The following SORCS1 variants were observed in gnomAD, a reference collection of about 807,000 sequenced individuals.
SORCS1 encodes VPS10 domain-containing receptor SorCS1.
Under a neutral mutation model 146.1 loss-of-function variants are expected in SORCS1, and 60 were observed. That is an observed-to-expected ratio of 0.41 (90% CI 0.33 to 0.51). The LOEUF is 0.51. Among genes scored for constraint, SORCS1 ranks in the 20% least tolerant of loss-of-function variants. SORCS1 has a pLI of 0.21. For missense variants in SORCS1, 1,352 were observed against 1,487.6 expected, an observed-to-expected ratio of 0.91 and a Z score of 1.50; for synonymous variants, 637 against 584.0, an observed-to-expected ratio of 1.09 and a Z score of -1.31.
At chr10:106,881,757 A>G (rs1406915635) in intron 2 of SORCS1, among the ~76,000 whole-genome samples, 1 of 152,236 alleles carries the variant, frequency 6.6e-6, no homozygotes, top group Non-Finnish European at 1.5e-5. Context: ...CCATTTTTAG[A>G]ATAGATTTCT....
intron 1 of SORCS1, among the ~76,000 whole-genome samples, chr10:107,098,669 T>C (rs778207272): frequency 2.0e-4 from 30 of 152,244 alleles, no homozygotes; most frequent in Non-Finnish European, 4.1e-4. Flanking sequence ...CTAACAATTT[T>C]GGAATGACTT....
At chr10:107,093,776 A>G (rs1590120567) in intron 1 of SORCS1, among the ~76,000 whole-genome samples, 3 of 151,984 alleles carry the variant, frequency 2.0e-5, no homozygotes, top group East Asian at 1.9e-4. Flanking sequence ...GAAGCCTTAC[A>G]CAATCTGCCT....
At chr10:107,172,775 T>C in the SORCS1 span, among the ~76,000 whole-genome samples, 33 of 152,142 alleles carry the variant, frequency 2.2e-4, no homozygotes, top group African/African-American at 6.3e-4. Context: ...TAAAGCTAAA[T>C]TTACACCTAA....
intron 1 of SORCS1, among the ~76,000 whole-genome samples, chr10:106,980,964 G>C (rs1179795402): frequency 1.3e-5 from 2 of 150,454 alleles, no homozygotes; most frequent in Non-Finnish European, 3.0e-5. Context: ...CTTGAACTTT[G>C]AACTGAAGGT....
intron 2 of SORCS1, among the ~76,000 whole-genome samples, chr10:106,906,009 C>G (rs904774104): frequency 2.0e-5 from 3 of 152,236 alleles, no homozygotes; most frequent in African/African-American, 7.2e-5. Context: ...CATCAACACT[C>G]TTTCATCCTT....
chr10:106,687,261 G>A (rs11193012), intron 10 of SORCS1, among the ~76,000 whole-genome samples: 12,248 of 152,148 alleles, frequency 0.081, 832 homozygotes, highest in African/African-American at 0.19. Flanking sequence ...CAAGTAGACT[G>A]CAAACTCCTT....
At position 106,802,908 on chromosome 10, in the gene SORCS1, G is replaced by T. The variant is rs1211235441; in HGVS notation, c.727-26216C>A. On this transcript the variant is annotated intron_variant, in intron 3 of 25. Coordinates refer to ENST00000263054, the MANE Select transcript of SORCS1 (RefSeq NM_052918.5). ...CCTTGGCCTCCCAAAAGGGATTACA[G>T]GTGTGAGCCATCATGCCCGGCCTGA... is the stretch of plus-strand genomic sequence containing the variant. 6.6e-5 allele frequency among the ~76,000 whole-genome samples: 10 copies of T among 152,312 alleles called. No individual in the cohort carries two copies. The South Asian group carries it at 1.9e-3, about 28-fold the overall frequency.
At chr10:106,621,603 G>C (rs1431083972) in intron 19 of SORCS1, among the ~76,000 whole-genome samples, 1 of 151,700 alleles carries the variant, frequency 6.6e-6, no homozygotes, top group Non-Finnish European at 1.5e-5. Flanking sequence ...CTCCTTCTGG[G>C]GGGGTCTAGA....
intron 1 of SORCS1, among the ~76,000 whole-genome samples, chr10:107,098,556 A>G (rs1964690246): frequency 6.6e-6 from 1 of 152,214 alleles, no homozygotes; most frequent in Non-Finnish European, 1.5e-5. Flanking sequence ...CAAATTGAGA[A>G]TTTACTGTTT....
chr10:106,821,067 C>A (rs996499533), intron 3 of SORCS1, among the ~76,000 whole-genome samples: 1 of 152,140 alleles, frequency 6.6e-6, no homozygotes, highest in Non-Finnish European at 1.5e-5. Flanking sequence ...AAGAAGATTG[C>A]GCAGATAGTC....
intron 1 of SORCS1, among the ~76,000 whole-genome samples, chr10:106,986,834 G>A (rs531908147): frequency 1.3e-5 from 2 of 152,022 alleles, no homozygotes; most frequent in African/African-American, 4.8e-5. Flanking sequence ...CATGAGAGTT[G>A]CCACTTCTCT....
intron 1 of SORCS1, among the ~76,000 whole-genome samples, chr10:107,030,081 T>G (rs1290906387): frequency 2.0e-5 from 3 of 152,182 alleles, no homozygotes; most frequent in Non-Finnish European, 2.9e-5. Flanking sequence ...TTAACCGTTT[T>G]TCTACTTGAA....
chr10:106,692,225 T>G (rs954493538), intron 9 of SORCS1, among the ~76,000 whole-genome samples: 1 of 152,006 alleles, frequency 6.6e-6, no homozygotes, highest in Non-Finnish European at 1.5e-5. Context: ...GTTCTTTTGT[T>G]TGTTTGTTTT....
chr10:106,900,563 T>C (rs1223596869), intron 2 of SORCS1, among the ~76,000 whole-genome samples: 7 of 152,140 alleles, frequency 4.6e-5, no homozygotes, highest in Non-Finnish European at 8.8e-5. Flanking sequence ...AGGTGTGCTC[T>C]ACACTGACTC....
rs199748240 is a variant in SORCS1, at chr10:106,739,828, T to C, written c.960-9714A>G. Among the ~76,000 whole-genome samples the C allele has an allele frequency of 5.9e-5, 9 of 151,836 alleles. No individual in the cohort carries two copies. In the East Asian group the frequency reaches 1.8e-3, roughly 30 times the overall value. The stretch of plus-strand genomic sequence containing the variant: ...TTAGCTGGATGTGGTGGTGGGCACC[T>C]GTAGTCCCAGCTACTTGGGAGGCTG... On this transcript the variant is annotated intron_variant, in intron 5 of 25. Transcript: ENST00000263054.
In SORCS1 at chr10:106,576,014, A is replaced by G. The variant is rs1183265542; in HGVS notation, c.*1406T>C. 1 of 152,480 alleles carries G rather than the reference A, an allele frequency of 6.6e-6. No individual in the cohort carries two copies. The highest frequency in any genetic ancestry group is 1.5e-5 in the Non-Finnish European group (1 of 68,034). 9.4% of individuals were successfully genotyped at this position (152,480 alleles called of 1,614,324 possible). ...ACGAGATTTTCGTTAAGGTGTGAGA[A>G]CACCACAATTCATCTCTATGCTTTC... On this transcript the variant is annotated 3_prime_UTR_variant, in exon 26 of 26. Transcript: ENST00000263054.
At chr10:107,087,791 T>C (rs1963871118) in intron 1 of SORCS1, among the ~76,000 whole-genome samples, 1 of 152,336 alleles carries the variant, frequency 6.6e-6, no homozygotes, top group African/African-American at 2.4e-5. Context: ...AAAATAAATA[T>C]CGGCTTAGGC....
At chr10:106,832,836 A>T (rs537581064) in intron 2 of SORCS1, among the ~76,000 whole-genome samples, 2,624 of 152,308 alleles carry the variant, frequency 0.017, 41 homozygotes, top group Non-Finnish European at 0.025. Flanking sequence ...AGACTAAAAA[A>T]GTAGGAACTA....
chr10:107,150,519 T>C (rs1968698973), intron 1 of SORCS1, among the ~76,000 whole-genome samples: 1 of 152,252 alleles, frequency 6.6e-6, no homozygotes, highest in African/African-American at 2.4e-5. Flanking sequence ...AAAAGGCAAG[T>C]GAAGCACTGT....
Sources: allele counts gnomAD v4.1 joint callset (sites outside exome capture counted in the v4.1 genomes callset), GRCh38; gene constraint gnomAD v4.1.1; transcripts MANE v1.5; gene names NCBI Gene and HGNC (gene_info 2026-07-23, HGNC 2026-07-21).